CIRSR: variants seen among roughly 807,000 people sequenced by gnomAD.
CIRSR encodes CBF1 (RBPJ) interacting corepressor 1.
chr2:174,348,509 T>G, the CIRSR span: 1 of 1,604,202 alleles, frequency 6.2e-7, no homozygotes, highest in South Asian at 1.1e-5. Context: ...ATTCTCTTTG[T>G]GTCACTTTAG....
At chr2:174,354,439 TAA>T in the CIRSR span, among the ~76,000 whole-genome samples, 12 of 43,488 alleles carry the variant, frequency 2.8e-4, no homozygotes, top group East Asian at 1.1e-3. Flanking sequence ...ATGATATATA[TAA>T]TATATTATAT....
chr2:174,393,687 T>G, the CIRSR span, among the ~76,000 whole-genome samples: 1 of 149,690 alleles, frequency 6.7e-6, no homozygotes, highest in Non-Finnish European at 1.5e-5. Context: ...CTTCCACTTC[T>G]ATTAAAAAAA....
chr2:174,348,743 TCTC>T, the CIRSR span: 1 of 1,614,154 alleles, frequency 6.2e-7, no homozygotes, highest in African/African-American at 1.3e-5. Flanking sequence ...TTTCAGAGCC[TCTC>T]TTCTCTGGGC....
chr2:174,382,031 G>C, the CIRSR span, among the ~76,000 whole-genome samples: 1 of 152,068 alleles, frequency 6.6e-6, no homozygotes, highest in Non-Finnish European at 1.5e-5. Context: ...AACAAAAAAG[G>C]GGAAAAATAA....
the CIRSR span, chr2:174,348,365 T>A: frequency 3.5e-6 from 5 of 1,412,336 alleles, no homozygotes; most frequent in Non-Finnish European, 3.7e-6. Flanking sequence ...GATGAAAAAT[T>A]AAAATTGAGC....
the CIRSR span, among the ~76,000 whole-genome samples, chr2:174,367,510 G>C: frequency 1.3e-5 from 2 of 152,052 alleles, no homozygotes; most frequent in Non-Finnish European, 2.9e-5. Context: ...AACCCTGGAG[G>C]CGGAGGTTGC....
chr2:174,359,235 G>C, the CIRSR span, among the ~76,000 whole-genome samples: 1 of 151,896 alleles, frequency 6.6e-6, no homozygotes, highest in African/African-American at 2.4e-5. Context: ...CATTTTCTAG[G>C]GTGATGGCAA....
the CIRSR span, among the ~76,000 whole-genome samples, chr2:174,352,368 AT>A: frequency 3.9e-5 from 6 of 152,102 alleles, no homozygotes; most frequent in Admixed American, 6.6e-5. Flanking sequence ...TATGTTTTAT[AT>A]TTTTTTACAC....
At chr2:174,358,913 T>C in the CIRSR span, among the ~76,000 whole-genome samples, 2 of 151,928 alleles carry the variant, frequency 1.3e-5, no homozygotes, top group South Asian at 2.1e-4. Flanking sequence ...AGGTTCACCA[T>C]ATCGGCCAGG....
the CIRSR span, among the ~76,000 whole-genome samples, chr2:174,356,605 A>G: frequency 0.4 from 59,455 of 150,138 alleles, 13,579 homozygotes; most frequent in African/African-American, 0.63. Context: ...GAGGGAGGGA[A>G]GAAGGAAGGA....
At chr2:174,360,908 G>A in the CIRSR span, among the ~76,000 whole-genome samples, 5 of 152,122 alleles carry the variant, frequency 3.3e-5, no homozygotes, top group Non-Finnish European at 7.4e-5. Flanking sequence ...ACATCATTTT[G>A]ACCTTTGAAG....
the CIRSR span, among the ~76,000 whole-genome samples, chr2:174,368,646 T>G: frequency 2.6e-5 from 4 of 152,184 alleles, no homozygotes; most frequent in Non-Finnish European, 5.9e-5. Context: ...ACTGTGCCAT[T>G]GCATTTCAGC....
At chr2:174,367,554 G>A in the CIRSR span, among the ~76,000 whole-genome samples, 4 of 151,708 alleles carry the variant, frequency 2.6e-5, no homozygotes, top group Non-Finnish European at 4.4e-5. Context: ...CACTCCAGCT[G>A]GGCAACAGAC....
At chr2:174,381,983 T>C in the CIRSR span, among the ~76,000 whole-genome samples, 1 of 152,212 alleles carries the variant, frequency 6.6e-6, no homozygotes, top group African/African-American at 2.4e-5. Flanking sequence ...TTATAAGCTC[T>C]GAGACTTTCT....
At chr2:174,350,799 T>A in the CIRSR span, 1 of 1,277,326 alleles carries the variant, frequency 7.8e-7, no homozygotes, top group Non-Finnish European at 1.1e-6. Context: ...AGGTAGTTAG[T>A]AGATAAAAAA....
At chr2:174,376,459 T>C in the CIRSR span, among the ~76,000 whole-genome samples, 2 of 152,120 alleles carry the variant, frequency 1.3e-5, no homozygotes, top group African/African-American at 4.8e-5. Flanking sequence ...ATGTCAATTG[T>C]ATAAATTGAG....
the CIRSR span, among the ~76,000 whole-genome samples, chr2:174,362,718 TTACATTTA>T: frequency 0.57 from 66,636 of 117,862 alleles, 22,889 homozygotes; most frequent in East Asian, 0.82. Context: ...AAAAAAAATC[TTACATTTA>T]TCAGAGAATT....
chr2:174,370,621 ATACATTC>A, the CIRSR span, among the ~76,000 whole-genome samples: 1 of 152,230 alleles, frequency 6.6e-6, no homozygotes, highest in Admixed American at 6.5e-5. Flanking sequence ...TCACAGAAAA[ATACATTC>A]TACGGGCTGG....
chr2:174,359,130 T>TAAG, the CIRSR span, among the ~76,000 whole-genome samples: 9,155 of 152,170 alleles, frequency 0.06, 861 homozygotes, highest in African/African-American at 0.2. Flanking sequence ...ATTTCACTTA[T>TAAG]AAGAAGCTCA....
Sources: allele counts gnomAD v4.1 joint callset (sites outside exome capture counted in the v4.1 genomes callset), GRCh38; gene constraint gnomAD v4.1.1; transcripts MANE v1.5; gene names NCBI Gene and HGNC (gene_info 2026-07-23, HGNC 2026-07-21).